ZNF398: variants seen among roughly 807,000 people sequenced by gnomAD.
ZNF398 encodes the protein zinc finger DNA binding protein ZER6.
In ZNF398, 18 loss-of-function variants were observed where a neutral mutation model predicts 41.9. That is an observed-to-expected ratio of 0.43 (90% CI 0.30 to 0.64). The LOEUF is 0.64. Among genes scored for constraint, ZNF398 ranks in the 30% least tolerant of loss-of-function variants. ZNF398 has a pLI of 0.14. For missense variants in ZNF398, 669 were observed against 822.8 expected, an observed-to-expected ratio of 0.81 and a Z score of 2.29; for synonymous variants, 260 against 308.8, an observed-to-expected ratio of 0.84 and a Z score of 1.66.
intron 4 of ZNF398, among the ~76,000 whole-genome samples, chr7:149,170,986 G>A (rs1338743133): frequency 6.7e-6 from 1 of 149,528 alleles, no homozygotes; most frequent in African/African-American, 2.5e-5. Context: ...TGGGACTGCA[G>A]GCACGTGCCA....
At chr7:149,126,453 G>T in exon 1 of ZNF398, 1 of 645,584 alleles carries the variant, frequency 1.5e-6, no homozygotes. Context: ...CCCTCCGTGC[G>T]GGCCGCAGCA....
At chr7:149,126,622 T>A (rs1236426863) in exon 1 of ZNF398, 2 of 268,358 alleles carry the variant, frequency 7.5e-6, no homozygotes, top group Non-Finnish European at 1.4e-5. Flanking sequence ...GGAGACGCGC[T>A]CCACAGAAAC....
chr7:149,150,864 A>G (rs1827093449), intron 1 of ZNF398, among the ~76,000 whole-genome samples: 1 of 152,026 alleles, frequency 6.6e-6, no homozygotes, highest in Non-Finnish European at 1.5e-5. Flanking sequence ...GCTTGCCACC[A>G]CACCCAGCTA....
intron 5 of ZNF398, among the ~76,000 whole-genome samples, chr7:149,178,127 T>TA (rs953357109): frequency 1.5e-4 from 23 of 151,992 alleles, no homozygotes; most frequent in Admixed American, 7.9e-4. Context: ...CTGTCTCTAC[T>TA]AAAAAGACAA....
chr7:149,148,505 C>T, intron 1 of ZNF398: 1 of 985,272 alleles, frequency 1.0e-6, no homozygotes, highest in Non-Finnish European at 1.2e-6. Flanking sequence ...TCTAGGAGAG[C>T]AATTGTACTG....
chr7:149,168,607 C>A (rs546486449), intron 4 of ZNF398, among the ~76,000 whole-genome samples: 1 of 152,088 alleles, frequency 6.6e-6, no homozygotes, highest in African/African-American at 2.4e-5. Context: ...CTCACTCTGT[C>A]GCCCAGGCTA....
At chr7:149,140,946 G>C (rs1013996827) in intron 2 of ZNF398, among the ~76,000 whole-genome samples, 3 of 151,260 alleles carry the variant, frequency 2.0e-5, no homozygotes, top group Non-Finnish European at 4.4e-5. Flanking sequence ...AGGCTGAGAC[G>C]GGAGAATTGC....
At chr7:149,141,039 C>CAAA (rs60228279) in intron 2 of ZNF398, among the ~76,000 whole-genome samples, 4 of 120,140 alleles carry the variant, frequency 3.3e-5, no homozygotes, top group African/African-American at 6.7e-5. Flanking sequence ...CAGCCTGTCT[C>CAAA]AAAAAAAAAA....
chr7:149,178,791 A>C lies in ZNF398; in HGVS notation c.919A>C (p.Thr307Pro). ...AFKSQQSTSM[T>P]PFGRPATDLP... is the part of the protein sequence containing the mutation. Reference sequence around the variant, plus strand: ...CAAAAGCCAGCAGTCTACATCCATGACACCTTTTGGACGTCCAGCCACTGA... The same window carrying C: ...CAAAAGCCAGCAGTCTACATCCATGCCACCTTTTGGACGTCCAGCCACTGA... The change falls in exon 6 of 6, where the codon ACA (threonine) becomes CCA (proline). Residue 307 changes from threonine (T) to proline (P), a missense_variant. By Grantham distance (38) the Thr-to-Pro change is conservative. This residue lies in a region of ZNF398 where 290 missense variants were observed against 292.9 expected (regional missense o/e 0.99). Transcript: ENST00000475153. 1 of 1,614,168 alleles carries C rather than the reference A, an allele frequency of 6.2e-7. No homozygotes were observed. The highest frequency in any genetic ancestry group is 8.5e-7 in the Non-Finnish European group (1 of 1,180,026).
At position 149,154,229 on chromosome 7, in the gene ZNF398, G is replaced by C. The variant is rs1585518535; in HGVS notation, c.309G>C (p.Leu103=). The C allele has an allele frequency of 1.2e-6, 2 of 1,614,186 alleles. No individual in the cohort carries two copies. The highest frequency in any genetic ancestry group is 4.5e-5 in the East Asian group (2 of 44,886). The part of the protein sequence containing the change: ...EGKWAVLGTL[L]QEYGLLQRRL... ...AGTGGGCCGTGCTGGGAACCCTGCT[G>C]CAGGAGTACGGGCTGCTGCAGAGGC... The change falls in exon 2 of 6, where the codon CTG becomes CTC. Residue 103 remains leucine (L), a synonymous_variant. Coordinates refer to ENST00000475153, the MANE Select transcript of ZNF398 (RefSeq NM_170686.3).
At chr7:149,156,333 C>G (rs939173169) in intron 2 of ZNF398, among the ~76,000 whole-genome samples, 2 of 150,598 alleles carry the variant, frequency 1.3e-5, no homozygotes, top group East Asian at 4.0e-4. Context: ...GATGAAACCC[C>G]GTCTCTACTA....
chr7:149,160,634 A>G (rs1041109409), intron 2 of ZNF398, among the ~76,000 whole-genome samples: 5 of 152,202 alleles, frequency 3.3e-5, no homozygotes, highest in Non-Finnish European at 1.5e-5. Context: ...TGGGGCAGAA[A>G]CCATATTTTA....
At chr7:149,159,385 C>T (rs999878402) in intron 2 of ZNF398, among the ~76,000 whole-genome samples, 5 of 152,048 alleles carry the variant, frequency 3.3e-5, no homozygotes, top group Admixed American at 1.3e-4. Flanking sequence ...CGGTGGCTCA[C>T]GCCTGTAATC....
At position 149,179,989 on chromosome 7, in the gene ZNF398, C is replaced by A; in HGVS notation, c.*188C>A. ...ATTTCACACCCTTACAAGAATACCA[C>A]ATTTTGAAACCCAGAAAGACCTGGA... On this transcript the variant is annotated 3_prime_UTR_variant, in exon 6 of 6. Coordinates refer to ENST00000475153, the MANE Select transcript of ZNF398 (RefSeq NM_170686.3). This position sits in a 1 kb window ranked among gnomAD's most constrained non-coding sequence, Gnocchi z 6.1. 1.9e-6 allele frequency: 1 copy of A among 514,164 alleles called. No individual in the cohort carries two copies. Among genetic ancestry groups the A allele is most frequent in the Non-Finnish European group, 3.3e-6 (1 of 304,392 alleles). 31.9% of individuals were successfully genotyped at this position (514,164 alleles called of 1,614,324 possible). A position where few individuals can be genotyped will look rare whatever the true frequency, so the allele number is the denominator to read the frequency against.
Position 149,154,347 on chromosome 7 carries a change from C to A in ZNF398, c.420+7C>A. The A allele has an allele frequency of 6.3e-7, 1 of 1,594,982 alleles. No homozygotes were observed. ...TAAGGGAGATATCCCAAAGGTAATA[C>A]CTTCATTTCTAGATGTAAAGTGGTA... On this transcript the variant is annotated splice_region_variant and intron_variant, in intron 2 of 5. Transcript: ENST00000475153.
chr7:149,156,213 T>C (rs1013761741), intron 2 of ZNF398, among the ~76,000 whole-genome samples: 4 of 151,886 alleles, frequency 2.6e-5, no homozygotes, highest in African/African-American at 9.7e-5. Flanking sequence ...CAATAAGAGT[T>C]ACTGATGGGA....
chr7:149,175,357 TAATA>T (rs1795440167), intron 4 of ZNF398, among the ~76,000 whole-genome samples: 1 of 150,900 alleles, frequency 6.6e-6, no homozygotes, highest in South Asian at 2.1e-4. Context: ...AAAAAAAAAA[TAATA>T]AAGCCATATA....
chr7:149,162,188 AT>A (rs71529687), intron 2 of ZNF398, among the ~76,000 whole-genome samples: 29 of 145,238 alleles, frequency 2.0e-4, no homozygotes, highest in East Asian at 1.0e-3. Flanking sequence ...CAGCTGGTTA[AT>A]TTTTTTTTTT....
chr7:149,179,030 C>T lies in ZNF398; in HGVS notation c.1158C>T (p.Ser386=). The change falls in exon 6 of 6, where the codon AGC becomes AGT. Residue 386 remains serine (S), a synonymous_variant. Transcript: ENST00000475153. The surrounding 1 kb of genome is among the most constrained non-coding windows in gnomAD (Gnocchi z 6.1). ...ACTTTACTCCACAGGCGGACCTCAGCAGCACCTCCCAGGACCATGCCAGCG... is the reference window on the plus strand; with the variant it reads ...ACTTTACTCCACAGGCGGACCTCAGTAGCACCTCCCAGGACCATGCCAGCG... ...PKHFTPQADL[S]STSQDHASET... 6.2e-7 allele frequency: 1 copy of T among 1,613,932 alleles called. No homozygotes were observed. Among genetic ancestry groups the T allele is most frequent in the Non-Finnish European group, 8.5e-7 (1 of 1,179,972 alleles).
Sources: gnomAD v4.1 joint callset for allele counts (sites outside exome capture counted in the v4.1 genomes callset) on GRCh38, gnomAD v4.1.1 for gene constraint, gnomAD v4.1.1 regional missense constraint, Gnocchi (gnomAD v3.1) non-coding constraint, MANE v1.5 for transcripts, NCBI Gene and HGNC (gene_info 2026-07-23, HGNC 2026-07-21) for gene names.